PRKG2: variants seen among roughly 807,000 people sequenced by gnomAD.
PRKG2 encodes the protein protein kinase cGMP-dependent 2.
PRKG2 carries 33 observed loss-of-function variants against 97.2 expected under a neutral mutation model. The observed-to-expected ratio is 0.34, with a 90% CI of 0.26 to 0.45. The LOEUF is 0.45. Among genes scored for constraint, PRKG2 ranks in the 20% least tolerant of loss-of-function variants. The pLI is 1.00. For missense variants in PRKG2, 638 were observed against 900.0 expected, an observed-to-expected ratio of 0.71 and a Z score of 3.73; for synonymous variants, 330 against 321.8, an observed-to-expected ratio of 1.03 and a Z score of -0.27.
At chr4:81,093,928 G>A (rs190623035) in intron 17 of PRKG2, among the ~76,000 whole-genome samples, 219 of 152,266 alleles carry the variant, frequency 1.4e-3, no homozygotes, top group African/African-American at 4.9e-3. Flanking sequence ...CTGGCACACT[G>A]AGGTCAGCTC....
intron 1 of PRKG2, among the ~76,000 whole-genome samples, chr4:81,207,240 A>C (rs1753730423): frequency 6.6e-6 from 1 of 152,210 alleles, no homozygotes; most frequent in African/African-American, 2.4e-5. Context: ...ATGTGTACAC[A>C]CGTTTTTAAC....
chr4:81,149,059 A>C lies in PRKG2; in HGVS notation c.1086-107T>G, dbSNP rs184495332. The C allele has an allele frequency of 1.9e-4, 202 of 1,042,062 alleles. 1 individual carries two copies. The East Asian group carries it at 4.7e-3, about 24-fold the overall frequency. 64.6% of individuals were successfully genotyped at this position (1,042,062 alleles called of 1,614,324 possible). ...GTATGAAAACACCACCATCACTTACACCTCCCAAAAACTGCTGCTTTTAAA... is the reference window on the plus strand; with the variant it reads ...GTATGAAAACACCACCATCACTTACCCCTCCCAAAAACTGCTGCTTTTAAA... On this transcript the variant is annotated intron_variant, in intron 8 of 18. Coordinates refer to ENST00000264399, the MANE Select transcript of PRKG2 (RefSeq NM_006259.3).
intron 13 of PRKG2, among the ~76,000 whole-genome samples, chr4:81,136,420 T>C (rs1425751391): frequency 6.6e-6 from 1 of 152,190 alleles, no homozygotes; most frequent in Non-Finnish European, 1.5e-5. Context: ...TGTGGCCAAC[T>C]TTGAAAAACA....
At chr4:81,142,659 C>G in intron 11 of PRKG2, 135 bp downstream of exon 11, 1 of 1,158,066 alleles carries the variant, frequency 8.6e-7, no homozygotes, top group Non-Finnish European at 1.2e-6. Context: ...GAAAAGTTTA[C>G]TTTCTCAATT....
chr4:81,140,760 T>C (rs1747202893), intron 11 of PRKG2, 91 bp from the exon 12 acceptor site: 24 of 1,190,316 alleles, frequency 2.0e-5, no homozygotes, highest in Non-Finnish European at 2.7e-5. Context: ...TCATGTTTAA[T>C]TAGTATGGAA....
intron 14 of PRKG2, among the ~76,000 whole-genome samples, chr4:81,132,636 T>C (rs1488795753): frequency 6.6e-6 from 1 of 152,158 alleles, no homozygotes; most frequent in Non-Finnish European, 1.5e-5. Context: ...ATATCTACTC[T>C]TTGTTTCTTT....
Position 81,210,126 on chromosome 4 carries a change from C to A in PRKG2, c.-14+4810G>T, listed in dbSNP as rs190416349. 4.8e-3 allele frequency among the ~76,000 whole-genome samples: 736 copies of A among 151,842 alleles called. 5 individuals carry two copies. The highest frequency in any genetic ancestry group is 0.017 in the African/African-American group (702 of 41,446). On this transcript the variant is annotated intron_variant, in intron 1 of 18. Transcript: ENST00000264399. ...AGATGTAAGAAACAAAATTACAAAA[C>A]CCCCAAAAGACAACATAGGAGAAAT...
At chr4:81,160,224 C>T (rs1002528981) in intron 6 of PRKG2, among the ~76,000 whole-genome samples, 1 of 152,068 alleles carries the variant, frequency 6.6e-6, no homozygotes, top group Non-Finnish European at 1.5e-5. Context: ...GTATTACACA[C>T]CTGTTTTAGC....
At chr4:81,211,690 A>G (rs1753980525) in intron 1 of PRKG2, among the ~76,000 whole-genome samples, 1 of 152,204 alleles carries the variant, frequency 6.6e-6, no homozygotes, top group Admixed American at 6.5e-5. Flanking sequence ...ATTAAAGCTC[A>G]GAGTCCCAAC....
chr4:81,168,665 T>C (rs1268998148), intron 5 of PRKG2, among the ~76,000 whole-genome samples: 4 of 152,068 alleles, frequency 2.6e-5, no homozygotes, highest in Non-Finnish European at 5.9e-5. Flanking sequence ...GGCTGGCATA[T>C]AGATAGAGAA....
chr4:81,091,243 T>C (rs989662823), intron 18 of PRKG2, among the ~76,000 whole-genome samples: 2 of 152,094 alleles, frequency 1.3e-5, no homozygotes, highest in Admixed American at 1.3e-4. Context: ...ATAGTAGACA[T>C]GTTTAAAGGA....
In PRKG2 at chr4:81,171,232, C is replaced by T. The variant is rs148357387; in HGVS notation, c.742+459G>A. On this transcript the variant is annotated intron_variant, in intron 4 of 18. Transcript: ENST00000264399. ...CCTGTGTCCATGTGTTCTCATTGTC[C>T]AACGCCCACTTATAAGTAAGAACAT... Among the ~76,000 whole-genome samples the T allele has an allele frequency of 2.2e-3, 339 of 151,818 alleles. 4 individuals carry two copies. The highest frequency in any genetic ancestry group is 7.8e-3 in the African/African-American group (321 of 41,388).
intron 2 of PRKG2, among the ~76,000 whole-genome samples, chr4:81,195,224 G>A (rs911588848): frequency 6.6e-6 from 1 of 151,998 alleles, no homozygotes; most frequent in Non-Finnish European, 1.5e-5. Flanking sequence ...TTTGTTACAA[G>A]AATTTGACAT....
chr4:81,194,537 A>T (rs1314786124), intron 2 of PRKG2, among the ~76,000 whole-genome samples: 3 of 152,208 alleles, frequency 2.0e-5, no homozygotes, highest in Non-Finnish European at 4.4e-5. Context: ...TTGCCCATAT[A>T]ATTAAATACA....
chr4:81,160,341 T>C (rs901830498), intron 6 of PRKG2, among the ~76,000 whole-genome samples: 7 of 152,196 alleles, frequency 4.6e-5, no homozygotes, highest in Admixed American at 1.3e-4. Context: ...TCTGCACTTA[T>C]GTTTTCTTCT....
intron 17 of PRKG2, among the ~76,000 whole-genome samples, chr4:81,099,817 C>G (rs1358165762): frequency 1.3e-5 from 2 of 152,144 alleles, no homozygotes; most frequent in Non-Finnish European, 2.9e-5. Context: ...GGAAACCCCA[C>G]TGTCTCAGCC....
chr4:81,124,218 G>A (rs189754960), intron 14 of PRKG2, among the ~76,000 whole-genome samples: 155 of 152,098 alleles, frequency 1.0e-3, no homozygotes, highest in African/African-American at 3.6e-3. Context: ...CTTTTTTTCA[G>A]AACTTTAAAT....
chr4:81,208,446 G>A (rs560266169), intron 1 of PRKG2, among the ~76,000 whole-genome samples: 45 of 152,252 alleles, frequency 3.0e-4, no homozygotes, highest in African/African-American at 9.9e-4. Flanking sequence ...GTTTGTTTGT[G>A]ACAGGGTCTC....
At position 81,110,332 on chromosome 4, in the gene PRKG2, T is replaced by C. The variant is rs113879771; in HGVS notation, c.1940+116A>G. 1.5e-4 allele frequency: 167 copies of C among 1,130,740 alleles called. No individual in the cohort carries two copies. The highest frequency in any genetic ancestry group is 2.0e-4 in the Middle Eastern group (1 of 4,910). 70.0% of individuals were successfully genotyped at this position (1,130,740 alleles called of 1,614,324 possible). ...ATGTCATGAGAAAAAGGTATCATAC[T>C]TAATCGAAAACATTTTCAAAATGTT... On this transcript the variant is annotated intron_variant, in intron 15 of 18. Transcript: ENST00000264399.
Sources: allele counts gnomAD v4.1 joint callset (sites outside exome capture counted in the v4.1 genomes callset), GRCh38; gene constraint gnomAD v4.1.1; transcripts MANE v1.5; gene names NCBI Gene and HGNC (gene_info 2026-07-23, HGNC 2026-07-21).